Variants in IP6K3 observed in about 807,000 individuals in gnomAD.
IP6K3 encodes the protein ATP:1D-myo-inositol-hexakisphosphate phosphotransferase.
A neutral mutation model predicts 28.8 loss-of-function variants in IP6K3; 20 were observed. The ratio of observed to expected loss-of-function variants is 0.70; its 90% CI spans 0.49 to 1.01. The LOEUF is 1.01. Ranked by LOEUF, IP6K3 falls within the 50% of genes least tolerant of loss-of-function variation. The probability of loss-of-function intolerance (pLI) is 0.00; values close to 1 mark genes in which losing one functional copy is unlikely to be tolerated. For synonymous variants in IP6K3, 213 were observed against 221.3 expected, an observed-to-expected ratio of 0.96 and a Z score of 0.33; for missense variants, 480 against 537.1, an observed-to-expected ratio of 0.89 and a Z score of 1.05.
At chr6:33,738,725 GGTT>G (rs1034027511) in intron 1 of IP6K3, among the ~76,000 whole-genome samples, 2 of 152,194 alleles carry the variant, frequency 1.3e-5, no homozygotes, top group Non-Finnish European at 1.5e-5. Context: ...GGGGGCTGAG[GGTT>G]GTTGTTTATA....
Position 33,725,122 on chromosome 6 carries a change from G to A in IP6K3, c.765+319C>T, listed in dbSNP as rs187597938. On this transcript the variant is annotated intron_variant, in intron 5 of 5. Transcript: ENST00000293756. ...TGGGCACCTGTAGTCCCAGCTACTC[G>A]GGAGGCTGAGGCAGGAGAATGGCAT... Among the ~76,000 whole-genome samples, 29 of 151,984 alleles carry A rather than the reference G, an allele frequency of 1.9e-4. No individual in the cohort carries two copies. The East Asian group carries it at 5.2e-3, about 27-fold the overall frequency.
intron 2 of IP6K3, 99 bp from the exon 3 acceptor site, chr6:33,728,399 C>G: frequency 9.6e-7 from 1 of 1,046,674 alleles, no homozygotes; most frequent in Non-Finnish European, 1.4e-6. Flanking sequence ...GCTTAATGGC[C>G]CTGGTCCACC....
chr6:33,748,136 C>T (rs114706197), upstream of IP6K3, among the ~76,000 whole-genome samples: 739 of 152,240 alleles, frequency 4.9e-3, 6 homozygotes, highest in African/African-American at 0.016. Flanking sequence ...TCAGCCTCCT[C>T]TCTGGCCAGA....
intron 2 of IP6K3, among the ~76,000 whole-genome samples, chr6:33,734,766 C>T (rs938712931): frequency 6.6e-6 from 1 of 152,244 alleles, no homozygotes; most frequent in Non-Finnish European, 1.5e-5. Flanking sequence ...TACACGCAAG[C>T]GGCAGCCCGT....
intron 2 of IP6K3, among the ~76,000 whole-genome samples, chr6:33,732,689 A>G (rs1285017040): frequency 6.6e-6 from 1 of 152,180 alleles, no homozygotes; most frequent in Non-Finnish European, 1.5e-5. Context: ...TTCCTCATCT[A>G]TGACAGGGCG....
In IP6K3 at chr6:33,735,651, GT is replaced by G; in HGVS notation, c.-176del. On this transcript the variant is annotated 5_prime_UTR_variant, in exon 2 of 6. Transcript: ENST00000293756. ...CTCCTGTCTGTGGGTTCTCAGCGGG[GT>G]CCTCTGGAAAGCAGGGGAGGAAGGA... 1 of 1,423,162 alleles carries G rather than the reference GT, an allele frequency of 7.0e-7. No homozygotes were observed. Among genetic ancestry groups the G allele is most frequent in the South Asian group, 1.5e-5 (1 of 67,272 alleles). The allele number at this position is 1,423,162 out of a possible 1,614,324, so 88.2% of individuals were successfully genotyped here. A position where few individuals can be genotyped will look rare whatever the true frequency, so the allele number is the denominator to read the frequency against.
At chr6:33,743,297 T>C (rs1766792976) in intron 1 of IP6K3, among the ~76,000 whole-genome samples, 1 of 152,202 alleles carries the variant, frequency 6.6e-6, no homozygotes, top group Non-Finnish European at 1.5e-5. Context: ...ATATAAAATG[T>C]GGCAGACGGC....
the IP6K3 span, among the ~76,000 whole-genome samples, chr6:33,755,054 G>A: frequency 2.9e-4 from 44 of 152,344 alleles, no homozygotes; most frequent in African/African-American, 1.0e-3. Flanking sequence ...GCAGCCATCA[G>A]GTGAGACATA....
intron 5 of IP6K3, among the ~76,000 whole-genome samples, chr6:33,723,391 C>A (rs1286627963): frequency 1.3e-5 from 2 of 152,162 alleles, no homozygotes; most frequent in Non-Finnish European, 2.9e-5. Context: ...CTGTGCAAGT[C>A]TTTAATAGTA....
At chr6:33,728,003 A>T in intron 3 of IP6K3, 84 bp downstream of exon 3, 9 of 1,541,532 alleles carry the variant, frequency 5.8e-6, no homozygotes, top group Non-Finnish European at 7.8e-6. Flanking sequence ...CTTAATAGGG[A>T]GTGGTTGGCC....
At chr6:33,727,925 C>A (rs1372843757) in intron 3 of IP6K3, 162 bp downstream of exon 3, 1 of 985,394 alleles carries the variant, frequency 1.0e-6, no homozygotes, top group Non-Finnish European at 1.2e-6. Flanking sequence ...AAAATCCATT[C>A]CTTTCTTTGG....
chr6:33,735,462 G>A lies in IP6K3; in HGVS notation c.15C>T (p.Asn5=), dbSNP rs148938575. 398 of 1,610,028 alleles carry A rather than the reference G, an allele frequency of 2.5e-4. 2 individuals are homozygous for A. In the African/African-American group the frequency reaches 4.3e-3, roughly 17 times the overall value. MVVQ[N]SADAGDMRAG... The stretch of plus-strand genomic sequence containing the variant: ...CCCTCATGTCCCCGGCGTCTGCGCT[G>A]TTTTGCACAACCATGGCGGCAGATG... Residue 5 remains asparagine (N), a synonymous_variant, in exon 2 of 6, where the codon AAC becomes AAT. Coordinates refer to ENST00000293756, the MANE Select transcript of IP6K3 (RefSeq NM_054111.5).
chr6:33,730,428 C>A lies in IP6K3; in HGVS notation c.200-2128G>T, dbSNP rs76338727. Among the ~76,000 whole-genome samples the A allele has an allele frequency of 3.0e-3, 460 of 152,304 alleles. 1 individual carries two copies. The highest frequency in any genetic ancestry group is 0.01 in the Middle Eastern group (3 of 294). ...CATCTCCTAAAAGGTGCTGCCTTTC[C>A]TCACACCATCCCAGGCTCCCGTGTC... On this transcript the variant is annotated intron_variant, in intron 2 of 5. Coordinates refer to ENST00000293756, the MANE Select transcript of IP6K3 (RefSeq NM_054111.5).
intron 2 of IP6K3, among the ~76,000 whole-genome samples, chr6:33,734,492 C>T (rs567764211): frequency 8.5e-4 from 129 of 152,236 alleles, no homozygotes; most frequent in Non-Finnish European, 1.6e-3. Context: ...CAGCAGCTTG[C>T]AGTCATGGGG....
upstream of IP6K3, among the ~76,000 whole-genome samples, chr6:33,747,988 A>G (rs76667873): frequency 0.017 from 2,605 of 152,186 alleles, 38 homozygotes; most frequent in South Asian, 0.052. The surrounding 1 kb of genome is among the most constrained non-coding windows in gnomAD (Gnocchi z 5.2). Flanking sequence ...AGGGTTCATC[A>G]GGGGACAGGC....
At chr6:33,759,730 G>C in the IP6K3 span, among the ~76,000 whole-genome samples, 9 of 152,094 alleles carry the variant, frequency 5.9e-5, no homozygotes. Flanking sequence ...AAAACTAGCT[G>C]GGCGTGGTGG....
chr6:33,756,472 C>CTGTG, the IP6K3 span, among the ~76,000 whole-genome samples: 3,092 of 150,202 alleles, frequency 0.021, 79 homozygotes, highest in African/African-American at 0.067. Flanking sequence ...TCAGAGGGGT[C>CTGTG]TGTGTGTGTG....
the IP6K3 span, among the ~76,000 whole-genome samples, chr6:33,761,374 T>G: frequency 6.6e-6 from 1 of 151,978 alleles, no homozygotes. Flanking sequence ...CCAGGAAAGA[T>G]CCACCCCCAC....
intron 2 of IP6K3, 109 bp from the exon 3 acceptor site, chr6:33,728,409 C>T: frequency 2.1e-6 from 2 of 949,326 alleles, no homozygotes; most frequent in South Asian, 1.5e-5. Context: ...CCTGGTCCAC[C>T]TCCTCCGTTC....
Sources: gnomAD v4.1 joint callset for allele counts (sites outside exome capture counted in the v4.1 genomes callset) on GRCh38, gnomAD v4.1.1 for gene constraint, Gnocchi (gnomAD v3.1) non-coding constraint, MANE v1.5 for transcripts, NCBI Gene and HGNC (gene_info 2026-07-23, HGNC 2026-07-21) for gene names.